The following PPM1D variants were observed in gnomAD, a reference collection of about 807,000 sequenced individuals.
The protein encoded by PPM1D is protein phosphatase, Mg2+/Mn2+ dependent 1D, also known as protein phosphatase 1D.
In PPM1D, 52 loss-of-function variants were observed where a neutral mutation model predicts 58.3. That is an observed-to-expected ratio of 0.89 (90% CI 0.71 to 1.12). The LOEUF is 1.12. Ranked by LOEUF, PPM1D falls within the 50% of genes most tolerant of loss-of-function variation. PPM1D has a pLI of 0.00. For missense variants in PPM1D, 564 were observed against 777.2 expected (o/e 0.73, Z 3.26); for synonymous variants, 278 against 285.1 (o/e 0.98, Z 0.25).
intron 3 of PPM1D, among the ~76,000 whole-genome samples, chr17:60,643,853 G>A (rs2031184337): frequency 6.6e-6 from 1 of 150,682 alleles, no homozygotes; most frequent in Non-Finnish European, 1.5e-5. Context: ...CCAATTTAAA[G>A]GTCATTGTGC....
intron 4 of PPM1D, among the ~76,000 whole-genome samples, chr17:60,654,517 C>A (rs1567977022): frequency 6.8e-6 from 1 of 147,352 alleles, no homozygotes; most frequent in Non-Finnish European, 1.5e-5. Flanking sequence ...AAACAACAAA[C>A]AAAATTTTCC....
intron 1 of PPM1D, among the ~76,000 whole-genome samples, chr17:60,607,263 A>G (rs1192805372): frequency 6.6e-6 from 1 of 151,990 alleles, no homozygotes; most frequent in Non-Finnish European, 1.5e-5. Context: ...CTTCTAAGAA[A>G]TAAGTTTTTT....
intron 4 of PPM1D, 128 bp from the exon 5 acceptor site, chr17:60,656,466 GAGAAA>G (rs2031440753): frequency 8.7e-7 from 1 of 1,147,122 alleles, no homozygotes; most frequent in Non-Finnish European, 1.2e-6. Flanking sequence ...AAAAAAAAAA[GAGAAA>G]AGAAAAAAAA....
rs376485173 is a variant in PPM1D, at chr17:60,610,138, C to T, written c.472+9252C>T. 2.0e-4 allele frequency among the ~76,000 whole-genome samples: 30 copies of T among 150,066 alleles called. No homozygotes were observed. In the East Asian group the frequency reaches 3.9e-3, roughly 20 times the overall value. On this transcript the variant is annotated intron_variant, in intron 1 of 5. Coordinates refer to ENST00000305921, the MANE Select transcript of PPM1D (RefSeq NM_003620.4). ...GAGATTGCAGTGAGCCGAGATCGTG[C>T]CACTGCACTCCAACCTAGCAATAGA...
chr17:60,629,820 C>T (rs1246068099), intron 2 of PPM1D, among the ~76,000 whole-genome samples: 2 of 152,034 alleles, frequency 1.3e-5, no homozygotes, highest in East Asian at 1.9e-4. Context: ...GGCGGATCAC[C>T]GGAGGTCAGG....
chr17:60,654,509 AC>A (rs1327603204), intron 4 of PPM1D, among the ~76,000 whole-genome samples: 1 of 148,808 alleles, frequency 6.7e-6, no homozygotes, highest in African/African-American at 2.5e-5. Context: ...GTCTCAAAAA[AC>A]AACAAACAAA....
intron 1 of PPM1D, among the ~76,000 whole-genome samples, chr17:60,616,029 G>A (rs556209386): frequency 2.0e-5 from 3 of 151,814 alleles, no homozygotes; most frequent in East Asian, 1.9e-4. Context: ...TTTTTTGGAG[G>A]CAGAGTCTTG....
rs2031612423 is a variant in PPM1D at position 60,666,092 on chromosome 17, GT to G, written c.*2542del. 1 of 152,172 alleles carries G rather than the reference GT, an allele frequency of 6.6e-6. No homozygotes were observed. The highest frequency in any genetic ancestry group is 6.6e-5 in the Admixed American group (1 of 15,260). 9.4% of individuals were successfully genotyped at this position (152,172 alleles called of 1,614,324 possible). On this transcript the variant is annotated 3_prime_UTR_variant, in exon 6 of 6. Coordinates refer to ENST00000305921, the MANE Select transcript of PPM1D (RefSeq NM_003620.4). ...GGAAGGAGGCTGTCACAACCTGGAAGTTAAAAGCATTGATATTCTGAAATAC... is the reference window on the plus strand; with the variant it reads ...GGAAGGAGGCTGTCACAACCTGGAAGTAAAAGCATTGATATTCTGAAATAC...
At chr17:60,611,644 C>G (rs1402256068) in intron 1 of PPM1D, among the ~76,000 whole-genome samples, 2 of 152,048 alleles carry the variant, frequency 1.3e-5, no homozygotes, top group Non-Finnish European at 2.9e-5. Context: ...GTCTCAAACT[C>G]CTGGCCTCAA....
chr17:60,608,105 C>T (rs908086827), intron 1 of PPM1D, among the ~76,000 whole-genome samples: 3 of 152,138 alleles, frequency 2.0e-5, no homozygotes, highest in African/African-American at 7.2e-5. Context: ...ATAAATTATA[C>T]GTTCTGAAAG....
intron 5 of PPM1D, among the ~76,000 whole-genome samples, chr17:60,657,678 CT>C (rs2143721620): frequency 6.6e-6 from 1 of 152,290 alleles, no homozygotes; most frequent in South Asian, 2.1e-4. Context: ...CTTTCTTTCA[CT>C]TTACATACAT....
At chr17:60,645,454 A>ATGTGTGTGTG (rs1239515737) in intron 3 of PPM1D, among the ~76,000 whole-genome samples, 10 of 103,156 alleles carry the variant, frequency 9.7e-5, no homozygotes, top group African/African-American at 2.9e-4. Flanking sequence ...TGTAAAATAT[A>ATGTGTGTGTG]TATGTGTGTG....
chr17:60,639,358 C>T (rs1037886319), intron 3 of PPM1D, among the ~76,000 whole-genome samples: 3 of 152,020 alleles, frequency 2.0e-5, no homozygotes, highest in Non-Finnish European at 2.9e-5. Flanking sequence ...GTGATCTACC[C>T]GCCTCAGCCA....
intron 2 of PPM1D, among the ~76,000 whole-genome samples, chr17:60,624,844 G>GT (rs963218813): frequency 2.0e-5 from 3 of 150,998 alleles, no homozygotes; most frequent in African/African-American, 7.3e-5. Context: ...AATTAATAAA[G>GT]TACTAAAGTG....
intron 3 of PPM1D, among the ~76,000 whole-genome samples, chr17:60,639,551 C>T (rs1008715578): frequency 2.0e-4 from 31 of 152,218 alleles, no homozygotes; most frequent in African/African-American, 7.5e-4. Flanking sequence ...GATTCTTCTG[C>T]CTCCATCTCC....
At chr17:60,606,940 G>A (rs2030341328) in intron 1 of PPM1D, among the ~76,000 whole-genome samples, 1 of 152,006 alleles carries the variant, frequency 6.6e-6, no homozygotes, top group Non-Finnish European at 1.5e-5. Flanking sequence ...GAGACTACAG[G>A]CATGTGCCTG....
intron 2 of PPM1D, among the ~76,000 whole-genome samples, chr17:60,631,734 A>T (rs975851081): frequency 6.6e-6 from 1 of 152,140 alleles, no homozygotes; most frequent in Non-Finnish European, 1.5e-5. Flanking sequence ...CAGTATACTC[A>T]CCACTAGCCA....
rs1417525947 is a variant in PPM1D at position 60,600,557 on chromosome 17, C to T, written c.143C>T (p.Pro48Leu). 4.5e-6 allele frequency: 7 copies of T among 1,553,030 alleles called. No individual in the cohort carries two copies. The East Asian group carries it at 1.5e-4, about 32-fold the overall frequency. ...KPSPRRSLSQPLPPRPSPAAL... is the reference protein window; with the variant it reads ...KPSPRRSLSQLLPPRPSPAAL... ...TCGCCGCGGCGGTCGCTGTCTCAGC[C>T]GTTGCCTCCGCGGCCGTCGCCGGCC... The change falls in exon 1 of 6, where the codon CCG becomes CTG. Residue 48 changes from proline to leucine, a missense_variant. Physicochemically the swap from Pro to Leu is moderately conservative, Grantham distance 98. Coordinates refer to ENST00000305921, the MANE Select transcript of PPM1D (RefSeq NM_003620.4).
chr17:60,633,452 G>A (rs774329368), intron 2 of PPM1D, among the ~76,000 whole-genome samples: 18 of 152,090 alleles, frequency 1.2e-4, no homozygotes, highest in Non-Finnish European at 2.4e-4. Flanking sequence ...CTGTCATCCA[G>A]GCTGGAGTAC....
Sources: gnomAD v4.1 joint callset for allele counts (sites outside exome capture counted in the v4.1 genomes callset) on GRCh38, gnomAD v4.1.1 for gene constraint, MANE v1.5 for transcripts, NCBI Gene and HGNC (gene_info 2026-07-23, HGNC 2026-07-21) for gene names.